Variants in GPC6 observed in about 807,000 individuals in gnomAD.
The protein encoded by GPC6 is glypican 6, also known as glypican-6.
In GPC6, 14 loss-of-function variants were observed where a neutral mutation model predicts 55.2. The observed-to-expected ratio is 0.25, with a 90% CI of 0.17 to 0.40. The LOEUF (loss-of-function observed/expected upper bound fraction) is 0.40. Among genes scored for constraint, GPC6 ranks in the 10% least tolerant of loss-of-function variants. The pLI, the probability that GPC6 is intolerant of heterozygous loss-of-function variation, is 1.00. For synonymous variants in GPC6, 278 were observed against 259.6 expected (o/e 1.07, Z -0.68); for missense variants, 641 against 708.5 (o/e 0.90, Z 1.08).
At chr13:93,306,539 C>G (rs1248363564) in intron 1 of GPC6, among the ~76,000 whole-genome samples, 1 of 151,818 alleles carries the variant, frequency 6.6e-6, no homozygotes, top group Non-Finnish European at 1.5e-5. Flanking sequence ...ATCTTAAAAG[C>G]AAAAGTAAAC....
chr13:93,712,289 A>G (rs936429800), intron 2 of GPC6, among the ~76,000 whole-genome samples: 3 of 151,748 alleles, frequency 2.0e-5, no homozygotes, highest in Non-Finnish European at 2.9e-5. Context: ...AATGAGAGAG[A>G]AGATATGTCC....
chr13:93,698,485 C>CTTTTTTT (rs57058820), intron 2 of GPC6, among the ~76,000 whole-genome samples: 12 of 32,444 alleles, frequency 3.7e-4, no homozygotes, highest in East Asian at 1.5e-3. Context: ...CTGTGTGGGT[C>CTTTTTTT]TTTTTTTTTT....
chr13:94,245,201 T>C (rs1891160949), intron 4 of GPC6, among the ~76,000 whole-genome samples: 1 of 152,082 alleles, frequency 6.6e-6, no homozygotes. Flanking sequence ...TGGTAACTAC[T>C]GTTTTATTCT....
At chr13:94,089,109 A>C (rs1177002385) in intron 4 of GPC6, among the ~76,000 whole-genome samples, 7 of 152,306 alleles carry the variant, frequency 4.6e-5, no homozygotes, top group Admixed American at 3.9e-4. Context: ...CCTCCAATTC[A>C]ATTGATTTAG....
intron 6 of GPC6, among the ~76,000 whole-genome samples, chr13:94,350,074 TTTGTG>T (rs1326042815): frequency 6.6e-6 from 1 of 151,002 alleles, no homozygotes; most frequent in African/African-American, 2.4e-5. Flanking sequence ...ATATATATCT[TTTGTG>T]TGTGTGTGTG....
At position 93,746,300 on chromosome 13, in the gene GPC6, T is replaced by C. The variant is rs76845319; in HGVS notation, c.320-83854T>C. ...ATAGGATAATTGCAGATGATAAATA[T>C]TTGCCAGAACAAATATTTAATGTTG... On this transcript the variant is annotated intron_variant, in intron 2 of 8. Coordinates refer to ENST00000377047, the MANE Select transcript of GPC6 (RefSeq NM_005708.5). Among the ~76,000 whole-genome samples, 43 of 152,238 alleles carry C rather than the reference T, an allele frequency of 2.8e-4. No individual in the cohort carries two copies. The East Asian group carries it at 7.5e-3, about 27-fold the overall frequency.
At chr13:93,500,951 G>A (rs1369357608) in intron 1 of GPC6, among the ~76,000 whole-genome samples, 1 of 152,106 alleles carries the variant, frequency 6.6e-6, no homozygotes, top group East Asian at 1.9e-4. Flanking sequence ...CTCAGTCTAG[G>A]TCTGTGATGC....
At chr13:93,828,321 T>C (rs1013162874) in intron 2 of GPC6, among the ~76,000 whole-genome samples, 3 of 152,150 alleles carry the variant, frequency 2.0e-5, no homozygotes, top group Non-Finnish European at 4.4e-5. Flanking sequence ...CTTTCATTCT[T>C]GGTTTCCAGA....
intron 3 of GPC6, among the ~76,000 whole-genome samples, chr13:93,956,598 A>G (rs1879517957): frequency 1.3e-5 from 2 of 152,224 alleles, no homozygotes; most frequent in African/African-American, 2.4e-5. Flanking sequence ...CCAATCCTAA[A>G]TGGAGATGAC....
At chr13:93,900,985 A>T (rs1876314689) in intron 3 of GPC6, among the ~76,000 whole-genome samples, 1 of 152,148 alleles carries the variant, frequency 6.6e-6, no homozygotes, top group South Asian at 2.1e-4. Context: ...AGCTAATGGA[A>T]AAAACTCATT....
chr13:94,406,679 CTTCT>C lies in GPC6; in HGVS notation c.*3465_*3468del, dbSNP rs1881382333. The stretch of plus-strand genomic sequence containing the variant: ...TATATTCCCTGCTGCAGACATTAGC[CTTCT>C]TTAATTCTTTTGCCATTACATACAT... On this transcript the variant is annotated 3_prime_UTR_variant, in exon 9 of 9. Transcript: ENST00000377047. 6.6e-6 allele frequency: 1 copy of C among 152,242 alleles called. No individual in the cohort carries two copies. Among genetic ancestry groups the C allele is most frequent in the Admixed American group, 6.5e-5 (1 of 15,304 alleles). The allele number at this position is 152,242 out of a possible 1,614,324, so 9.4% of individuals were successfully genotyped here.
intron 4 of GPC6, among the ~76,000 whole-genome samples, chr13:94,060,857 T>C (rs1378347499): frequency 6.6e-6 from 1 of 152,200 alleles, no homozygotes; most frequent in African/African-American, 2.4e-5. Context: ...ATTAAAATTA[T>C]TAAGTAGCTC....
At chr13:93,547,863 ATTCATGAGGG>A (rs1256023159) in intron 2 of GPC6, among the ~76,000 whole-genome samples, 7 of 152,198 alleles carry the variant, frequency 4.6e-5, no homozygotes, top group African/African-American at 7.2e-5. Context: ...CTCTGGGCAG[ATTCATGAGGG>A]TCAGTTATAC....
At chr13:93,738,787 T>G (rs1177405493) in intron 2 of GPC6, among the ~76,000 whole-genome samples, 1 of 152,190 alleles carries the variant, frequency 6.6e-6, no homozygotes, top group African/African-American at 2.4e-5. Context: ...TGATACTTTA[T>G]GAAAGGATTA....
In GPC6 at chr13:93,398,384, G is replaced by C. The variant is rs577261261; in HGVS notation, c.161-146879G>C. On this transcript the variant is annotated intron_variant, in intron 1 of 8. Coordinates refer to ENST00000377047, the MANE Select transcript of GPC6 (RefSeq NM_005708.5). ...ATGAGTAATGGTGATTTGAGAAGTG[G>C]TGTGCTTTGTTTCATATGCTACAAA... Among the ~76,000 whole-genome samples, 12 of 152,298 alleles carry C rather than the reference G, an allele frequency of 7.9e-5. 1 individual carries two copies. The highest frequency in any genetic ancestry group is 2.9e-4 in the African/African-American group (12 of 41,588).
At chr13:94,040,032 A>G (rs145114839) in intron 4 of GPC6, among the ~76,000 whole-genome samples, 1 of 151,976 alleles carries the variant, frequency 6.6e-6, no homozygotes, top group East Asian at 1.9e-4. Context: ...TTTAATAATT[A>G]TATTTATCAT....
At chr13:94,161,180 G>C (rs9584194) in intron 4 of GPC6, among the ~76,000 whole-genome samples, 2,850 of 152,180 alleles carry the variant, frequency 0.019, 104 homozygotes, top group African/African-American at 0.065. Context: ...ACTCTTGCAC[G>C]CATAAGGCTC....
intron 1 of GPC6, among the ~76,000 whole-genome samples, chr13:93,258,763 G>T (rs934617507): frequency 6.6e-6 from 1 of 151,750 alleles, no homozygotes; most frequent in Non-Finnish European, 1.5e-5. Context: ...ACATAGTGAG[G>T]CCCCATCTCT....
At chr13:94,377,817 C>T (rs1420449023) in intron 6 of GPC6, among the ~76,000 whole-genome samples, 1 of 152,120 alleles carries the variant, frequency 6.6e-6, no homozygotes, top group Non-Finnish European at 1.5e-5. Flanking sequence ...CAATGATAGA[C>T]TGGATTAAGA....
Sources: allele counts gnomAD v4.1 joint callset (sites outside exome capture counted in the v4.1 genomes callset), GRCh38; gene constraint gnomAD v4.1.1; transcripts MANE v1.5; gene names NCBI Gene and HGNC (gene_info 2026-07-23, HGNC 2026-07-21).